Variants in FKBP3 observed in about 807,000 individuals in gnomAD.
FKBP3 encodes FKBP prolyl isomerase 3.
Under a neutral mutation model 30.6 loss-of-function variants are expected in FKBP3, and 21 were observed. That is an observed-to-expected ratio of 0.69 (90% confidence interval 0.49 to 0.99). FKBP3 has a LOEUF of 0.99. Ranked by LOEUF, FKBP3 falls within the 50% of genes least tolerant of loss-of-function variation. The pLI, the probability that FKBP3 is intolerant of heterozygous loss-of-function variation, is 0.00. For missense variants in FKBP3, 283 were observed against 261.6 expected (o/e 1.08, Z -0.56); for synonymous variants, 82 against 91.3 (o/e 0.90, Z 0.58).
chr14:45,131,068 C>G, intron 1 of FKBP3: 1 of 241,216 alleles, frequency 4.1e-6, no homozygotes, highest in East Asian at 9.1e-5. Flanking sequence ...CCTGTCAACA[C>G]TCACAAAAAA....
intron 3 of FKBP3, among the ~76,000 whole-genome samples, chr14:45,125,738 A>C (rs1043431568): frequency 6.6e-5 from 10 of 152,098 alleles, no homozygotes; most frequent in Admixed American, 1.3e-4. Flanking sequence ...CACATGGTAA[A>C]AATTCCAGAG....
At chr14:45,119,162 T>G (rs1884924484) in intron 5 of FKBP3, among the ~76,000 whole-genome samples, 1 of 152,222 alleles carries the variant, frequency 6.6e-6, no homozygotes. Flanking sequence ...CACAAACAGT[T>G]AAATCCACAT....
intron 3 of FKBP3, among the ~76,000 whole-genome samples, chr14:45,124,030 G>A (rs987189002): frequency 6.6e-6 from 1 of 151,902 alleles, no homozygotes; most frequent in Non-Finnish European, 1.5e-5. Flanking sequence ...TTTAATGTCC[G>A]ATTGTGTTTA....
chr14:45,117,701 A>G (rs1314059458), intron 6 of FKBP3, among the ~76,000 whole-genome samples: 2 of 152,204 alleles, frequency 1.3e-5, no homozygotes, highest in Non-Finnish European at 2.9e-5. Flanking sequence ...AGTTTGCTAC[A>G]GTTTGTACTG....
Position 45,115,967 on chromosome 14 carries a change from TCTC to T in FKBP3, c.*228_*230del, listed in dbSNP as rs1317564558. 1.5e-5 allele frequency: 7 copies of T among 459,072 alleles called. No homozygotes were observed. Among genetic ancestry groups the T allele is most frequent in the African/African-American group, 5.8e-5 (3 of 51,716 alleles). The allele number at this position is 459,072 out of a possible 1,614,324, so 28.4% of individuals were successfully genotyped here. On this transcript the variant is annotated 3_prime_UTR_variant, in exon 7 of 7. Coordinates refer to ENST00000396062, the MANE Select transcript of FKBP3 (RefSeq NM_002013.4). ...ACAACATGAGGTAAAAGGAAAAAGT[TCTC>T]CTTGACCAGTATTTTACACAGCTGT...
chr14:45,125,958 A>G (rs1885086905), intron 3 of FKBP3, among the ~76,000 whole-genome samples: 1 of 151,734 alleles, frequency 6.6e-6, no homozygotes, highest in Non-Finnish European at 1.5e-5. Context: ...GTGCAGTGGC[A>G]CACAATCTTG....
intron 1 of FKBP3, among the ~76,000 whole-genome samples, chr14:45,131,458 C>G (rs568587884): frequency 1.6e-4 from 24 of 151,644 alleles, no homozygotes; most frequent in Non-Finnish European, 3.4e-4. Context: ...GTGACAAAAC[C>G]CCATCTCTAC....
At chr14:45,125,102 AG>A (rs1400740235) in intron 3 of FKBP3, among the ~76,000 whole-genome samples, 5 of 152,138 alleles carry the variant, frequency 3.3e-5, no homozygotes, top group Admixed American at 6.5e-5. Flanking sequence ...TTTTTAGTGC[AG>A]GTGGAGTTTC....
intron 3 of FKBP3, among the ~76,000 whole-genome samples, chr14:45,123,632 T>C (rs891401197): frequency 1.6e-4 from 21 of 133,100 alleles, no homozygotes; most frequent in Admixed American, 3.7e-4. Flanking sequence ...TTTTTTTTTT[T>C]CAGATGGAGT....
chr14:45,116,072 A>G lies in FKBP3; in HGVS notation c.*126T>C, dbSNP rs993625342. The G allele has an allele frequency of 1.5e-6, 1 of 654,856 alleles. No individual in the cohort carries two copies. Among genetic ancestry groups the G allele is most frequent in the African/African-American group, 1.8e-5 (1 of 55,832 alleles). 40.6% of individuals were successfully genotyped at this position (654,856 alleles called of 1,614,324 possible). ...GGGACCAAGTAAACAAATTTTATTA[A>G]CTCCTTGAATTTTCCAGTTGACTCT... is the stretch of plus-strand genomic sequence containing the variant. On this transcript the variant is annotated 3_prime_UTR_variant, in exon 7 of 7. Coordinates refer to ENST00000396062, the MANE Select transcript of FKBP3 (RefSeq NM_002013.4).
At chr14:45,127,177 G>A (rs976259715) in intron 3 of FKBP3, among the ~76,000 whole-genome samples, 2 of 145,348 alleles carry the variant, frequency 1.4e-5, no homozygotes, top group Non-Finnish European at 3.0e-5. Context: ...ACAATGGTGC[G>A]ATCTCAGCTC....
chr14:45,118,447 T>C (rs1316473100), intron 5 of FKBP3, among the ~76,000 whole-genome samples: 2 of 151,976 alleles, frequency 1.3e-5, no homozygotes, highest in East Asian at 1.9e-4. Context: ...CTAGCTAACA[T>C]AGTGAAACCC....
At chr14:45,126,228 G>A (rs1387468244) in intron 3 of FKBP3, among the ~76,000 whole-genome samples, 1 of 150,742 alleles carries the variant, frequency 6.6e-6, no homozygotes, top group Non-Finnish European at 1.5e-5. Flanking sequence ...AGTGGCTCAC[G>A]CCTGTAATCC....
intron 1 of FKBP3, chr14:45,133,496 GT>G (rs758426895): frequency 1.3e-5 from 2 of 155,552 alleles, no homozygotes; most frequent in African/African-American, 2.4e-5. Context: ...CCCAGAAACA[GT>G]TTTTCTAAAT....
At chr14:45,127,056 C>A (rs1193213973) in intron 3 of FKBP3, among the ~76,000 whole-genome samples, 1 of 151,342 alleles carries the variant, frequency 6.6e-6, no homozygotes, top group Non-Finnish European at 1.5e-5. Flanking sequence ...ATCTGCTCCT[C>A]TTGGCCTCCC....
intron 1 of FKBP3, among the ~76,000 whole-genome samples, chr14:45,132,703 AG>A (rs1341070739): frequency 2.0e-5 from 3 of 151,946 alleles, no homozygotes; most frequent in African/African-American, 7.3e-5. Context: ...CGAAAGTGCT[AG>A]GATTACAGGA....
chr14:45,134,423 C>T lies in FKBP3; in HGVS notation c.34G>A (p.Val12Met), dbSNP rs1273177996. 5 of 1,612,748 alleles carry T rather than the reference C, an allele frequency of 3.1e-6. No individual in the cohort carries two copies. In the South Asian group the frequency reaches 3.3e-5, roughly 11 times the overall value. ...AGCTGCTCACTGCGCAGCTGCTCCA[C>T]GGTCCACGCCCGCTGTGGAACGGCC... ...AAAVPQRAWT[V>M]EQLRSEQLPK... is the part of the protein sequence containing the mutation. Residue 12 changes from valine (V) to methionine (M), a missense_variant, in exon 1 of 7, where the codon GTG becomes ATG. Physicochemically the swap from Val to Met is conservative, Grantham distance 21. Coordinates refer to ENST00000396062, the MANE Select transcript of FKBP3 (RefSeq NM_002013.4).
Position 45,121,510 on chromosome 14 carries a change from A to G in FKBP3, c.429T>C (p.Thr143=). The part of the protein sequence containing the change: ...CWYTGTLQDG[T]VFDTNIQTSA... Reference sequence around the variant, plus strand: ...TTGTTTGAATATTAGTATCAAAAACAGTCCCATCTTGTAGTGTTCCTGTAT... The same window carrying G: ...TTGTTTGAATATTAGTATCAAAAACGGTCCCATCTTGTAGTGTTCCTGTAT... The change falls in exon 4 of 7, where the codon ACT becomes ACC. Residue 143 remains threonine, a synonymous_variant. Transcript: ENST00000396062. The G allele has an allele frequency of 6.2e-7, 1 of 1,612,986 alleles. No individual in the cohort carries two copies. Among genetic ancestry groups the G allele is most frequent in the Non-Finnish European group, 8.5e-7 (1 of 1,179,510 alleles).
At chr14:45,133,957 C>T (rs1048049302) in intron 1 of FKBP3, among the ~76,000 whole-genome samples, 4 of 152,234 alleles carry the variant, frequency 2.6e-5, no homozygotes, top group Non-Finnish European at 4.4e-5. Context: ...GAAATCTTCA[C>T]ATCCCTTCCC....
Sources: allele counts gnomAD v4.1 joint callset (sites outside exome capture counted in the v4.1 genomes callset), GRCh38; gene constraint gnomAD v4.1.1; transcripts MANE v1.5; gene names NCBI Gene and HGNC (gene_info 2026-07-23, HGNC 2026-07-21).